The following USP40 variants were observed in gnomAD, a reference collection of about 807,000 sequenced individuals.
USP40 encodes the protein ubiquitin carboxyl-terminal hydrolase 40.
Under a neutral mutation model 166.2 loss-of-function variants are expected in USP40, and 143 were observed. The ratio of observed to expected loss-of-function variants is 0.86; its 90% CI spans 0.75 to 0.99. USP40 has a LOEUF of 0.99. USP40 is among the 50% of genes least tolerant of loss of function. The probability of loss-of-function intolerance (pLI) is 0.00; values close to 1 mark genes in which losing one functional copy is unlikely to be tolerated. For synonymous variants in USP40, 498 were observed against 524.0 expected (o/e 0.95, Z 0.68); for missense variants, 1,444 against 1,479.7 (o/e 0.98, Z 0.40).
rs766595405 is a variant in USP40, at chr2:233,523,354, C to T, written c.2017G>A (p.Glu673Lys). The T allele has an allele frequency of 9.9e-6, 16 of 1,613,926 alleles. No individual in the cohort carries two copies. The highest frequency in any genetic ancestry group is 1.7e-5 in the Admixed American group (1 of 60,010). ...ESPHVFPANA[E>K]VGTVLTALAI... ...AAGGCTGTGAGGACAGTGCCCACTT[C>T]TGCATTAGCTGGAAAGACATGTGGA... Residue 673 changes from glutamate (E) to lysine (K), a missense_variant, in exon 16 of 32, where the codon GAA (glutamate) becomes AAA (lysine). Coordinates refer to ENST00000678225, the MANE Select transcript of USP40 (RefSeq NM_001365479.2).
Position 233,498,545 on chromosome 2 carries a change from T to TA in USP40, c.2715+2dup. 1 of 1,611,858 alleles carries TA rather than the reference T, an allele frequency of 6.2e-7. No homozygotes were observed. Among genetic ancestry groups the TA allele is most frequent in the Non-Finnish European group, 8.5e-7 (1 of 1,179,020 alleles). ...AAAGTACAATGTATAGAAATCATCT[T>TA]ACTTCTTCACATAAAGGCTCTCCAG... On this transcript the variant is annotated splice_region_variant and intron_variant, in intron 23 of 31. Transcript: ENST00000678225.
chr2:233,548,993 T>G, intron 8 of USP40, 108 bp downstream of exon 8: 1 of 1,131,360 alleles, frequency 8.8e-7, no homozygotes, highest in Non-Finnish European at 1.2e-6. Flanking sequence ...CTATCAAAGT[T>G]TTCTATAGAG....
At chr2:233,534,730 T>A (rs2068817016) in intron 10 of USP40, among the ~76,000 whole-genome samples, 1 of 152,216 alleles carries the variant, frequency 6.6e-6, no homozygotes, top group Non-Finnish European at 1.5e-5. Context: ...TATCAACAAC[T>A]TGAAAGCTTT....
At chr2:233,523,121 G>A (rs2067768298) in intron 16 of USP40, 49 bp downstream of exon 16, 1 of 1,544,968 alleles carries the variant, frequency 6.5e-7, no homozygotes, top group Non-Finnish European at 8.8e-7. Flanking sequence ...GGGTGGTACT[G>A]TAATTAAAAT....
At position 233,485,599 on chromosome 2, in the gene USP40, T is replaced by C. The variant is rs745668750; in HGVS notation, c.3436A>G (p.Lys1146Glu). ...CCTTGCAAATAATCTTGTTTTTTTT[T>C]CTTTTTCCTCTTGGTTATTTGTTGG... The part of the protein sequence containing the change: ...WNQQITKRKK[K>E]KKQDYLQGAP... Residue 1146 changes from lysine to glutamate, a missense_variant, in exon 30 of 32, where the codon AAA becomes GAA. Coordinates refer to ENST00000678225, the MANE Select transcript of USP40 (RefSeq NM_001365479.2). 4 of 1,613,868 alleles carry C rather than the reference T, an allele frequency of 2.5e-6. No individual in the cohort carries two copies. Among genetic ancestry groups the C allele is most frequent in the African/African-American group, 1.3e-5 (1 of 75,056 alleles).
intron 27 of USP40, 107 bp from the exon 28 acceptor site, chr2:233,488,411 T>G (rs1011606930): frequency 6.3e-5 from 67 of 1,067,070 alleles, no homozygotes; most frequent in Non-Finnish European, 9.2e-5. Context: ...AATTGTTTTC[T>G]GAGTACTTAT....
At chr2:233,563,979 T>C (rs2125412513) in intron 2 of USP40, among the ~76,000 whole-genome samples, 1 of 152,340 alleles carries the variant, frequency 6.6e-6, no homozygotes, top group South Asian at 2.1e-4. Context: ...ACTTCAACTA[T>C]ATTAAAACCT....
intron 10 of USP40, among the ~76,000 whole-genome samples, chr2:233,538,027 G>A (rs763463846): frequency 1.3e-5 from 2 of 152,060 alleles, no homozygotes; most frequent in African/African-American, 2.4e-5. Context: ...ATGGGAATGG[G>A]AAAATGAAAT....
chr2:233,527,457 T>A lies in USP40; in HGVS notation c.1675A>T (p.Thr559Ser). ...VSQTESVWDL[T>S]FDKRKTLGDL... Reference sequence around the variant, plus strand: ...CCTAAAGTTTTTCTTTTATCAAAGGTCAAATCCCACACGCTTTCTGTTTGA... The same window carrying A: ...CCTAAAGTTTTTCTTTTATCAAAGGACAAATCCCACACGCTTTCTGTTTGA... The change falls in exon 13 of 32, where the codon ACC (threonine) becomes TCC (serine). Residue 559 changes from threonine to serine, a missense_variant. By Grantham distance (58) the Thr-to-Ser change is moderately conservative. Transcript: ENST00000678225. The A allele has an allele frequency of 1.9e-6, 3 of 1,613,758 alleles. No individual in the cohort carries two copies. The highest frequency in any genetic ancestry group is 2.5e-6 in the Non-Finnish European group (3 of 1,179,822).
chr2:233,562,200 C>T (rs1290556002), intron 3 of USP40, among the ~76,000 whole-genome samples: 3 of 136,170 alleles, frequency 2.2e-5, no homozygotes, highest in African/African-American at 8.2e-5. Flanking sequence ...TTTGACCCAG[C>T]CATCCCATTA....
Position 233,533,724 on chromosome 2 carries a change from C to T in USP40, c.1226G>A (p.Arg409His), listed in dbSNP as rs200985105. 4.6e-5 allele frequency: 74 copies of T among 1,612,472 alleles called. No individual in the cohort carries two copies. In the Middle Eastern group the frequency reaches 5.0e-4, roughly 11 times the overall value. Residue 409 changes from arginine to histidine, a missense_variant, in exon 11 of 32, where the codon CGT becomes CAT. Transcript: ENST00000678225. ...CTGGAGAGAACTATTCTTCAAGAGA[C>T]GAACTGTACTTTCATCTGAACTGAG... ...FLLSSDESTV[R>H]LLKNSSLQAE...
chr2:233,480,875 G>A lies in USP40; in HGVS notation c.3599+328C>T, dbSNP rs1575207664. ...TGGTTCTGGAGACCTGAGGGTGTGG[G>A]AACCTGAAGGGAAAGCCAAGAGCCA... is the stretch of plus-strand genomic sequence containing the variant. On this transcript the variant is annotated intron_variant, in intron 31 of 31. Transcript: ENST00000678225. This position sits in a 1 kb window ranked among gnomAD's most constrained non-coding sequence, Gnocchi z 4.5. Among the ~76,000 whole-genome samples the A allele has an allele frequency of 1.3e-5, 2 of 152,262 alleles. No individual in the cohort carries two copies. The highest frequency in any genetic ancestry group is 2.1e-4 in the South Asian group (1 of 4,830).
rs899715792 is a variant in USP40 at position 233,556,956 on chromosome 2, A to C, written c.445T>G (p.Leu149Val). The C allele has an allele frequency of 6.2e-7, 1 of 1,613,992 alleles. No homozygotes were observed. The highest frequency in any genetic ancestry group is 1.7e-5 in the Admixed American group (1 of 60,030). The stretch of plus-strand genomic sequence containing the variant: ...AGGTCATGACCGGAGGTCCCAACTA[A>C]AGAAGTTTCCAAAGCGCTGAAGAGG... ...RILFSALETS[L>V]VGTSGHDLIY... Residue 149 changes from leucine (L) to valine (V), a missense_variant, in exon 5 of 32, where the codon TTA (leucine) becomes GTA (valine). Leu to Val is a conservative substitution (Grantham distance 32, BLOSUM62 1). Transcript: ENST00000678225.
chr2:233,489,850 ACAG>A (rs111497673), intron 26 of USP40: 37,579 of 172,672 alleles, frequency 0.22, 4,338 homozygotes, highest in African/African-American at 0.28. Flanking sequence ...AAGGGACACA[ACAG>A]CAGCCTTCTT....
intron 4 of USP40, among the ~76,000 whole-genome samples, chr2:233,557,716 CCTT>C (rs1673005145): frequency 6.6e-6 from 1 of 152,016 alleles, no homozygotes; most frequent in African/African-American, 2.4e-5. Context: ...GCTGAGAGCT[CCTT>C]CTGCTGAGAA....
At chr2:233,555,886 G>C (rs1274042903) in intron 5 of USP40, among the ~76,000 whole-genome samples, 3 of 151,952 alleles carry the variant, frequency 2.0e-5, no homozygotes, top group Non-Finnish European at 4.4e-5. Context: ...AGGCCAAGGT[G>C]GGCAGATCAT....
rs543469274 is a variant in USP40 at position 233,476,262 on chromosome 2, G to A, written c.*1130C>T. The A allele has an allele frequency of 3.3e-5, 5 of 152,444 alleles. No individual in the cohort carries two copies. Among genetic ancestry groups the A allele is most frequent in the South Asian group, 2.1e-4 (1 of 4,830 alleles). 9.4% of individuals were successfully genotyped at this position (152,444 alleles called of 1,614,324 possible). ...GCTTCCCATCAGTGACGGGGCTGAC[G>A]AGAAACCGTGAGGCCCAGGTGACAA... On this transcript the variant is annotated 3_prime_UTR_variant, in exon 32 of 32. Transcript: ENST00000678225.
chr2:233,502,531 T>C (rs918615711), intron 21 of USP40, among the ~76,000 whole-genome samples: 9 of 152,174 alleles, frequency 5.9e-5, no homozygotes, highest in Admixed American at 2.0e-4. Flanking sequence ...AATCTGGCAG[T>C]GGCCCTGCCT....
At chr2:233,500,297 T>C (rs988539880) in intron 21 of USP40, among the ~76,000 whole-genome samples, 3 of 152,200 alleles carry the variant, frequency 2.0e-5, no homozygotes, top group African/African-American at 7.2e-5. Flanking sequence ...GCGAGATTGA[T>C]AGCATTTGGG....
Sources: allele counts gnomAD v4.1 joint callset (sites outside exome capture counted in the v4.1 genomes callset), GRCh38; gene constraint gnomAD v4.1.1; non-coding constraint Gnocchi (gnomAD v3.1); transcripts MANE v1.5; gene names NCBI Gene and HGNC (gene_info 2026-07-23, HGNC 2026-07-21).